RPS6KA2: variants seen among roughly 807,000 people sequenced by gnomAD.
The protein encoded by RPS6KA2 is ribosomal protein S6 kinase alpha-2.
RPS6KA2 carries 42 observed loss-of-function variants against 91.8 expected under a neutral mutation model. The ratio of observed to expected loss-of-function variants is 0.46; its 90% CI spans 0.36 to 0.59. RPS6KA2 has a LOEUF of 0.59. RPS6KA2 is among the 20% of genes least tolerant of loss of function. RPS6KA2 has a pLI of 0.00. For missense variants in RPS6KA2, 798 were observed against 978.5 expected (o/e 0.82, Z 2.46); for synonymous variants, 414 against 393.6 (o/e 1.05, Z -0.61).
intron 8 of RPS6KA2, among the ~76,000 whole-genome samples, chr6:166,492,280 A>C (rs1421576012): frequency 6.6e-6 from 1 of 152,150 alleles, no homozygotes; most frequent in Non-Finnish European, 1.5e-5. Context: ...GGCTGCAGGC[A>C]ATCAATCAAT....
rs149942532 is a variant in RPS6KA2, at chr6:166,840,559, T to A, written c.123+17641A>T. On this transcript the variant is annotated intron_variant, in intron 2 of 21. Coordinates refer to the RPS6KA2 transcript ENST00000503859. ...CCTCGCCATTTCTCCAGCAGCACTC[T>A]GAGGATATGCAATGCTAGACAGCAC... Among the ~76,000 whole-genome samples the A allele has an allele frequency of 3.1e-3, 473 of 152,302 alleles. 3 individuals are homozygous for A. Among genetic ancestry groups the A allele is most frequent in the Middle Eastern group, 6.8e-3 (2 of 294 alleles).
intron 12 of RPS6KA2, among the ~76,000 whole-genome samples, chr6:166,451,506 T>C (rs372813661): frequency 6.6e-6 from 1 of 152,372 alleles, no homozygotes; most frequent in Middle Eastern, 3.4e-3. Context: ...AGGATTATCA[T>C]TGATGGCATC....
chr6:166,558,292 A>G (rs1345841791), intron 1 of RPS6KA2, among the ~76,000 whole-genome samples: 1 of 152,134 alleles, frequency 6.6e-6, no homozygotes, highest in Non-Finnish European at 1.5e-5. Context: ...CACCAATGTC[A>G]CAGCTCAAGC....
intron 2 of RPS6KA2, among the ~76,000 whole-genome samples, chr6:166,817,722 T>C (rs10806862): frequency 0.15 from 18,778 of 123,944 alleles, 1,401 homozygotes; most frequent in East Asian, 0.29. Context: ...TTTTCTTTTT[T>C]TCTTTTTTTT....
intron 11 of RPS6KA2, among the ~76,000 whole-genome samples, chr6:166,468,589 C>G (rs994069115): frequency 1.3e-5 from 2 of 151,968 alleles, no homozygotes; most frequent in African/African-American, 4.8e-5. Flanking sequence ...AGAGGCCGGG[C>G]GCGGTGGCTC....
intron 1 of RPS6KA2, among the ~76,000 whole-genome samples, chr6:166,859,602 A>G (rs2149086): frequency 0.77 from 117,238 of 152,178 alleles, 49,502 homozygotes; most frequent in Non-Finnish European, 0.93. Flanking sequence ...TCAGAACAAC[A>G]CAGAGAACCA....
chr6:166,546,214 TCC>T (rs1783823267), intron 1 of RPS6KA2, among the ~76,000 whole-genome samples: 3 of 152,126 alleles, frequency 2.0e-5, no homozygotes, highest in Non-Finnish European at 4.4e-5. Flanking sequence ...AGGAACGATC[TCC>T]GAGAAGCCTC....
At position 166,849,735 on chromosome 6, in the gene RPS6KA2, G is replaced by T. The variant is rs1186084382; in HGVS notation, c.123+8465C>A. ...TATGCATACTCAGTCCCATGTGCCT[G>T]GCGCAGTGTGTGGCCTGAGACTGAC... On this transcript the variant is annotated intron_variant, in intron 2 of 21. Coordinates refer to the RPS6KA2 transcript ENST00000503859. This position sits in a 1 kb window ranked among gnomAD's most constrained non-coding sequence, Gnocchi z 4.9. Among the ~76,000 whole-genome samples, 1 of 152,238 alleles carries T rather than the reference G, an allele frequency of 6.6e-6. No individual in the cohort carries two copies. Among genetic ancestry groups the T allele is most frequent in the Non-Finnish European group, 1.5e-5 (1 of 68,036 alleles).
chr6:166,626,844 G>C lies in RPS6KA2; in HGVS notation c.99+77C>G. 1 of 1,247,128 alleles carries C rather than the reference G, an allele frequency of 8.0e-7. No individual in the cohort carries two copies. Among genetic ancestry groups the C allele is most frequent in the Non-Finnish European group, 1.0e-6 (1 of 961,344 alleles). The allele number at this position is 1,247,128 out of a possible 1,614,324, so 77.3% of individuals were successfully genotyped here. ...CTGACGGGTCTCGGGGTCCACCCAG[G>C]GGTGGCGAGGCGGGCTCGGGCGACC... is the stretch of plus-strand genomic sequence containing the variant. On this transcript the variant is annotated intron_variant, in intron 1 of 20. Transcript: ENST00000265678. This position sits in a 1 kb window ranked among gnomAD's most constrained non-coding sequence, Gnocchi z 4.1.
At chr6:166,473,616 C>G (rs1394266326) in intron 10 of RPS6KA2, among the ~76,000 whole-genome samples, 2 of 152,206 alleles carry the variant, frequency 1.3e-5, no homozygotes, top group African/African-American at 4.8e-5. Flanking sequence ...GTTTTGGTAT[C>G]TGCCAAAAAT....
At chr6:166,608,290 A>T (rs977127983) in intron 1 of RPS6KA2, among the ~76,000 whole-genome samples, 1 of 152,248 alleles carries the variant, frequency 6.6e-6, no homozygotes, top group Non-Finnish European at 1.5e-5. Flanking sequence ...GAGGGTAGAC[A>T]ACGCTTCTCT....
chr6:166,798,543 T>A (rs1779281894), intron 2 of RPS6KA2, among the ~76,000 whole-genome samples: 1 of 152,238 alleles, frequency 6.6e-6, no homozygotes, highest in South Asian at 2.1e-4. Flanking sequence ...GGAGGCTGTG[T>A]TCAGCCTGCT....
chr6:166,716,050 A>AGG, intron 2 of RPS6KA2, among the ~76,000 whole-genome samples: 2 of 93,620 alleles, frequency 2.1e-5, no homozygotes, highest in Admixed American at 1.3e-4. Flanking sequence ...AAAAAAAAAA[A>AGG]AAAAAAAAAA....
At chr6:166,838,246 A>G (rs148754374) in intron 2 of RPS6KA2, among the ~76,000 whole-genome samples, 1,759 of 152,358 alleles carry the variant, frequency 0.012, 15 homozygotes, top group Non-Finnish European at 0.018. Context: ...AGGAAGTAAA[A>G]TAACACTGAA....
intron 2 of RPS6KA2, among the ~76,000 whole-genome samples, chr6:166,721,829 GA>G (rs1429958705): frequency 4.7e-4 from 1 of 2,110 alleles, no homozygotes; most frequent in Non-Finnish European, 7.7e-4. Context: ...CTCAGAGGAG[GA>G]GCCGGTGCCA....
chr6:166,485,610 G>A (rs1337741943), intron 10 of RPS6KA2, among the ~76,000 whole-genome samples: 3 of 152,164 alleles, frequency 2.0e-5, no homozygotes, highest in South Asian at 4.2e-4. Context: ...CCAGGGCACC[G>A]CGATGCATTG....
At chr6:166,728,705 G>A (rs1790421394) in intron 2 of RPS6KA2, among the ~76,000 whole-genome samples, 1 of 152,158 alleles carries the variant, frequency 6.6e-6, no homozygotes, top group East Asian at 1.9e-4. Context: ...AATACCACGT[G>A]CTTACTTTCT....
At chr6:166,431,741 G>A (rs796863523) in intron 15 of RPS6KA2, among the ~76,000 whole-genome samples, 7 of 151,962 alleles carry the variant, frequency 4.6e-5, no homozygotes, top group Admixed American at 2.6e-4. Flanking sequence ...CTCAGCCTCC[G>A]GAGTAGCTGG....
chr6:166,625,323 A>ACCC (rs1338733933), intron 1 of RPS6KA2, among the ~76,000 whole-genome samples: 34 of 30,380 alleles, frequency 1.1e-3, no homozygotes, highest in South Asian at 1.5e-3. Flanking sequence ...TATTCCCACC[A>ACCC]CCCCCCCACC....
Sources: allele counts gnomAD v4.1 joint callset (sites outside exome capture counted in the v4.1 genomes callset), GRCh38; gene constraint gnomAD v4.1.1; non-coding constraint Gnocchi (gnomAD v3.1); transcripts MANE v1.5; gene names NCBI Gene and HGNC (gene_info 2026-07-23, HGNC 2026-07-21).